FNDC3B: variants seen among roughly 807,000 people sequenced by gnomAD.
FNDC3B encodes the protein fibronectin type III domain-containing protein 3B.
A neutral mutation model predicts 151.5 loss-of-function variants in FNDC3B; 12 were observed. That is an observed-to-expected ratio of 0.08 (90% CI 0.05 to 0.13). The LOEUF is 0.13. Ranked by LOEUF, FNDC3B falls within the 10% of genes least tolerant of loss-of-function variation. FNDC3B has a pLI of 1.00. For missense variants in FNDC3B, 1,214 were observed against 1,505.3 expected, an observed-to-expected ratio of 0.81 and a Z score of 3.20; for synonymous variants, 528 against 549.0, an observed-to-expected ratio of 0.96 and a Z score of 0.54.
At chr3:172,065,558 G>A (rs1717456740) in intron 1 of FNDC3B, among the ~76,000 whole-genome samples, 2 of 152,188 alleles carry the variant, frequency 1.3e-5, no homozygotes, top group South Asian at 4.1e-4. Context: ...AAGTGGGCAG[G>A]TTTATTTGGA....
intron 12 of FNDC3B, 30 bp from the exon 13 acceptor site, chr3:172,330,511 A>G: frequency 6.3e-7 from 1 of 1,589,786 alleles, no homozygotes; most frequent in Non-Finnish European, 8.6e-7. Flanking sequence ...ACATGCTTCT[A>G]ACTGTGTGCC....
At chr3:172,281,352 C>T (rs2108818129) in intron 6 of FNDC3B, among the ~76,000 whole-genome samples, 1 of 152,190 alleles carries the variant, frequency 6.6e-6, no homozygotes, top group African/African-American at 2.4e-5. Flanking sequence ...TTCAAGCGAT[C>T]TCCTGCCTAA....
chr3:172,128,275 C>T (rs1720902980), intron 2 of FNDC3B, among the ~76,000 whole-genome samples: 1 of 152,228 alleles, frequency 6.6e-6, no homozygotes, highest in Non-Finnish European at 1.5e-5. Flanking sequence ...TTCACATCTT[C>T]TTCCAGGATC....
chr3:172,241,290 C>G (rs1202932832), intron 4 of FNDC3B, among the ~76,000 whole-genome samples: 2 of 152,112 alleles, frequency 1.3e-5, no homozygotes, highest in African/African-American at 4.8e-5. Flanking sequence ...ATAGTTTACA[C>G]AAGAGAAATT....
chr3:172,380,644 C>T (rs899719684), intron 24 of FNDC3B, among the ~76,000 whole-genome samples: 1 of 152,142 alleles, frequency 6.6e-6, no homozygotes, highest in Non-Finnish European at 1.5e-5. Flanking sequence ...TTGCATCTTC[C>T]AGAATACCTA....
intron 11 of FNDC3B, among the ~76,000 whole-genome samples, chr3:172,328,640 T>C (rs781185190): frequency 1.3e-5 from 2 of 152,176 alleles, no homozygotes; most frequent in Non-Finnish European, 2.9e-5. Context: ...TTGTGATCGT[T>C]AACTGGAGCA....
intron 13 of FNDC3B, 100 bp from the exon 14 acceptor site, chr3:172,332,989 G>T: frequency 1.2e-6 from 1 of 801,928 alleles, no homozygotes. Context: ...GCCAGTTGCT[G>T]GTGATGGTAG....
chr3:172,270,567 C>T (rs1448165685), intron 6 of FNDC3B, among the ~76,000 whole-genome samples: 1 of 152,222 alleles, frequency 6.6e-6, no homozygotes, highest in African/African-American at 2.4e-5. Context: ...CCAAATGCTT[C>T]AGGGTCAGAG....
chr3:172,342,798 C>T (rs981731107), intron 17 of FNDC3B, among the ~76,000 whole-genome samples: 7 of 152,146 alleles, frequency 4.6e-5, no homozygotes, highest in African/African-American at 1.4e-4. Context: ...TTCCCAGTGC[C>T]ATATGAAGTC....
chr3:172,093,458 T>C (rs549778270), intron 1 of FNDC3B, among the ~76,000 whole-genome samples: 360 of 151,812 alleles, frequency 2.4e-3, no homozygotes, highest in African/African-American at 7.7e-3. Flanking sequence ...AGGGGTTTCA[T>C]CGTGTTAGCC....
At chr3:172,310,655 T>C (rs865803718) in intron 10 of FNDC3B, among the ~76,000 whole-genome samples, 173 bp from the exon 11 acceptor site, 1 of 152,268 alleles carries the variant, frequency 6.6e-6, no homozygotes, top group South Asian at 2.1e-4. Flanking sequence ...TGTTGAGGTA[T>C]GTCAAAGTTA....
chr3:172,225,225 G>T (rs1726496868), intron 3 of FNDC3B, among the ~76,000 whole-genome samples: 1 of 152,216 alleles, frequency 6.6e-6, no homozygotes, highest in African/African-American at 2.4e-5. Context: ...GCAGGCTGGA[G>T]TATGGTGGCT....
chr3:172,199,597 A>T (rs1725033432), intron 3 of FNDC3B, among the ~76,000 whole-genome samples: 1 of 152,234 alleles, frequency 6.6e-6, no homozygotes, highest in Non-Finnish European at 1.5e-5. Flanking sequence ...AAGCAAAATG[A>T]TGTATAATGA....
At chr3:172,059,183 A>G (rs59181653) in intron 1 of FNDC3B, among the ~76,000 whole-genome samples, 3,451 of 152,298 alleles carry the variant, frequency 0.023, 132 homozygotes, top group African/African-American at 0.079. Context: ...TGTTTTGTAG[A>G]AATACATTTT....
intron 2 of FNDC3B, among the ~76,000 whole-genome samples, chr3:172,118,564 G>A (rs920338813): frequency 5.3e-5 from 8 of 152,222 alleles, no homozygotes; most frequent in African/African-American, 1.9e-4. Flanking sequence ...AGAGACTGCA[G>A]CTATTATTGC....
chr3:172,392,865 G>C (rs1177517931), intron 25 of FNDC3B, among the ~76,000 whole-genome samples: 1 of 133,648 alleles, frequency 7.5e-6, no homozygotes, highest in Non-Finnish European at 1.6e-5. Context: ...GGAGTGCAAT[G>C]GCACAATCTC....
intron 3 of FNDC3B, among the ~76,000 whole-genome samples, chr3:172,177,626 C>CTTTTTTTTTTTTTT (rs10684671): frequency 0.02 from 1,704 of 84,692 alleles, 141 homozygotes; most frequent in East Asian, 0.053. Context: ...TTACCACCAT[C>CTTTTTTTTTTTTTT]TTTTTTTTTT....
At chr3:172,253,829 G>C (rs1186611136) in intron 6 of FNDC3B, among the ~76,000 whole-genome samples, 1 of 151,906 alleles carries the variant, frequency 6.6e-6, no homozygotes, top group Non-Finnish European at 1.5e-5. Context: ...ACGCAGGCTG[G>C]AGTGCAGTGG....
chr3:172,126,679 TA>T (rs944352478), intron 2 of FNDC3B, among the ~76,000 whole-genome samples: 17 of 152,168 alleles, frequency 1.1e-4, no homozygotes, highest in Admixed American at 4.6e-4. Context: ...TAAAAGTATA[TA>T]AAAAGGTGGC....
Sources: gnomAD v4.1 joint callset for allele counts (sites outside exome capture counted in the v4.1 genomes callset) on GRCh38, gnomAD v4.1.1 for gene constraint, MANE v1.5 for transcripts, NCBI Gene and HGNC (gene_info 2026-07-23, HGNC 2026-07-21) for gene names.